Variants in DISP1 observed in about 807,000 individuals in gnomAD.
DISP1 encodes the protein protein dispatched homolog 1.
Under a neutral mutation model 37.3 loss-of-function variants are expected in DISP1, and 30 were observed. That is an observed-to-expected ratio of 0.80 (90% CI 0.60 to 1.09). DISP1 has a LOEUF of 1.09. Ranked by LOEUF, DISP1 falls within the 50% of genes least tolerant of loss-of-function variation. The pLI is 0.00. For missense variants in DISP1, 1,598 were observed against 1,879.5 expected, an observed-to-expected ratio of 0.85 and a Z score of 2.77; for synonymous variants, 634 against 690.2, an observed-to-expected ratio of 0.92 and a Z score of 1.28.
At chr1:222,952,952 C>T (rs764844369) in intron 3 of DISP1, among the ~76,000 whole-genome samples, 4 of 152,102 alleles carry the variant, frequency 2.6e-5, no homozygotes, top group Non-Finnish European at 5.9e-5. Context: ...TTCTAGAGGC[C>T]GCAATTACAT....
At chr1:222,955,474 C>T (rs368892357) in intron 3 of DISP1, among the ~76,000 whole-genome samples, 8 of 152,290 alleles carry the variant, frequency 5.3e-5, no homozygotes, top group Non-Finnish European at 7.4e-5. Flanking sequence ...AATATGCATT[C>T]GGTAGAAATT....
At position 223,003,458 on chromosome 1, in the gene DISP1, T is replaced by C. The variant is rs1376533104; in HGVS notation, c.2061T>C (p.Ala687=). The change falls in exon 9 of 9, where the codon GCT becomes GCC. Residue 687 remains alanine, a synonymous_variant. Transcript: ENST00000675850. The surrounding 1 kb of genome is among the most constrained non-coding windows in gnomAD (Gnocchi z 4.3). ...IYDNKSCWTV[A]CQKCHKVLFA... ...ATAACAAAAGCTGCTGGACAGTGGCTTGCCAGAAGTGCCACAAAGTACTCT... is the reference window on the plus strand; with the variant it reads ...ATAACAAAAGCTGCTGGACAGTGGCCTGCCAGAAGTGCCACAAAGTACTCT... The C allele has an allele frequency of 1.9e-6, 3 of 1,614,078 alleles. No individual in the cohort carries two copies. Among genetic ancestry groups the C allele is most frequent in the Non-Finnish European group, 2.5e-6 (3 of 1,180,042 alleles).
rs532481496 is a variant in DISP1 at position 222,854,403 on chromosome 1, C to T, written c.-159+39325C>T. On this transcript the variant is annotated intron_variant, in intron 1 of 8. Coordinates refer to ENST00000675850, the MANE Select transcript of DISP1 (RefSeq NM_001377229.1). The stretch of plus-strand genomic sequence containing the variant: ...GTGCAAGCAGGGGAAATGCCACATG[C>T]TTATAAAACCATCAGATCTTGTGAG... Among the ~76,000 whole-genome samples, 4 of 152,242 alleles carry T rather than the reference C, an allele frequency of 2.6e-5. No homozygotes were observed. In the East Asian group the frequency reaches 7.7e-4, roughly 29 times the overall value.
rs150311676 is a variant in DISP1, at chr1:223,003,318, A to G, written c.1921A>G (p.Ile641Val). The G allele has an allele frequency of 1.8e-5, 29 of 1,614,174 alleles. No homozygotes were observed. The East Asian group carries it at 3.6e-4, about 20-fold the overall frequency. Reference protein sequence around the residue: ...RCFGVYAGTAILVNYVLMVTW... With the variant: ...RCFGVYAGTAVLVNYVLMVTW... ...CTTTGGGGTTTATGCGGGGACAGCT[A>G]TATTGGTGAATTACGTTTTGATGGT... The change falls in exon 9 of 9, where the codon ATA (isoleucine) becomes GTA (valine). Residue 641 changes from isoleucine (I) to valine (V), a missense_variant. By Grantham distance (29) the Ile-to-Val change is conservative (BLOSUM62 3). Transcript: ENST00000675850. This position sits in a 1 kb window ranked among gnomAD's most constrained non-coding sequence, Gnocchi z 4.3.
chr1:223,002,888 G>T lies in DISP1; in HGVS notation c.1491G>T (p.Gln497His). ...TTGGTATCAAACACAGTTTGTTTCA[G>T]GATTATCTTCTAATGGATACTGTGT... is the stretch of plus-strand genomic sequence containing the variant. The part of the protein sequence containing the change: ...IEFGIKHSLF[Q>H]DYLLMDTVYP... The change falls in exon 9 of 9, where the codon CAG (glutamine) becomes CAT (histidine). Residue 497 changes from glutamine to histidine, a missense_variant. Transcript: ENST00000675850. 1 of 1,613,858 alleles carries T rather than the reference G, an allele frequency of 6.2e-7. No homozygotes were observed. Among genetic ancestry groups the T allele is most frequent in the Non-Finnish European group, 8.5e-7 (1 of 1,180,022 alleles).
intron 3 of DISP1, among the ~76,000 whole-genome samples, chr1:222,973,912 C>T (rs1644909185): frequency 6.6e-6 from 1 of 152,124 alleles, no homozygotes; most frequent in Non-Finnish European, 1.5e-5. Flanking sequence ...ATCTTGGACC[C>T]TTTTCTCCTT....
intron 2 of DISP1, among the ~76,000 whole-genome samples, chr1:222,932,140 T>G (rs1406472524): frequency 4.6e-5 from 7 of 151,924 alleles, no homozygotes; most frequent in Non-Finnish European, 8.8e-5. Flanking sequence ...ATATTTTGAG[T>G]GGCAGTTGCT....
chr1:223,004,767 A>G lies in DISP1; in HGVS notation c.3370A>G (p.Thr1124Ala). 1 of 1,613,448 alleles carries G rather than the reference A, an allele frequency of 6.2e-7. No homozygotes were observed. The highest frequency in any genetic ancestry group is 8.5e-7 in the Non-Finnish European group (1 of 1,180,030). The change falls in exon 9 of 9, where the codon ACC (threonine) becomes GCC (alanine). Residue 1124 changes from threonine (T) to alanine (A), a missense_variant. Thr to Ala is a moderately conservative substitution (Grantham distance 58). Transcript: ENST00000675850. The surrounding 1 kb of genome is among the most constrained non-coding windows in gnomAD (Gnocchi z 4.9). The stretch of plus-strand genomic sequence containing the variant: ...CATGTGTATCAGTTGGGCTTTCGCC[A>G]CCTTCTTTTTCCAGTGCATGTGCCG... ...LIMCISWAFA[T>A]FFFQCMCRCL... is the part of the protein sequence containing the mutation.
rs181521092 is a variant in DISP1 at position 223,005,432 on chromosome 1, C to T, written c.4035C>T (p.Ala1345=). 10 of 1,613,538 alleles carry T rather than the reference C, an allele frequency of 6.2e-6. No individual in the cohort carries two copies. The highest frequency in any genetic ancestry group is 2.2e-5 in the East Asian group (1 of 44,866). ...CPCLQGRVKP[A]GMQNSLPRNF... Reference sequence around the variant, plus strand: ...GCCTGCAGGGCAGAGTAAAGCCAGCCGGAATGCAGAATTCTCTGCCTAGGA... The same window carrying T: ...GCCTGCAGGGCAGAGTAAAGCCAGCTGGAATGCAGAATTCTCTGCCTAGGA... The change falls in exon 9 of 9, where the codon GCC becomes GCT. Residue 1345 remains alanine, a synonymous_variant. Transcript: ENST00000675850.
chr1:222,881,112 A>G (rs1260026475), intron 1 of DISP1, among the ~76,000 whole-genome samples: 1 of 152,166 alleles, frequency 6.6e-6, no homozygotes, highest in Non-Finnish European at 1.5e-5. Context: ...ATATAGGAAA[A>G]TTAATTTTTA....
chr1:222,992,878 T>TTTTTTTTTA (rs1678803004), intron 7 of DISP1, among the ~76,000 whole-genome samples: 1 of 149,576 alleles, frequency 6.7e-6, no homozygotes, highest in South Asian at 2.2e-4. Flanking sequence ...TTTTTTTTTT[T>TTTTTTTTTA]GAGACAGAGT....
intron 3 of DISP1, among the ~76,000 whole-genome samples, chr1:222,944,444 T>A (rs1674613124): frequency 1.6e-5 from 1 of 63,916 alleles, no homozygotes; most frequent in Admixed American, 1.9e-4. Flanking sequence ...CATTTTTAAG[T>A]AATAAAAAGT....
chr1:222,877,037 C>T (rs1220614081), intron 1 of DISP1, among the ~76,000 whole-genome samples: 6 of 152,058 alleles, frequency 3.9e-5, no homozygotes, highest in Non-Finnish European at 7.4e-5. Flanking sequence ...AGAACCAGGC[C>T]TCTGGAGTCA....
intron 1 of DISP1, among the ~76,000 whole-genome samples, chr1:222,860,633 T>C (rs1668826631): frequency 1.3e-5 from 2 of 151,856 alleles, no homozygotes; most frequent in South Asian, 4.2e-4. Flanking sequence ...ACGCCTGTAA[T>C]CCCAGCACTT....
chr1:222,836,110 C>CA (rs1553315064), intron 1 of DISP1, among the ~76,000 whole-genome samples: 2 of 152,084 alleles, frequency 1.3e-5, no homozygotes, highest in Non-Finnish European at 2.9e-5. Flanking sequence ...TCTGAGGGCA[C>CA]ACTTGGTACT....
chr1:222,993,123 C>T (rs906653752), intron 7 of DISP1, among the ~76,000 whole-genome samples: 7 of 152,076 alleles, frequency 4.6e-5, no homozygotes, highest in African/African-American at 1.7e-4. Context: ...GCCTTGACTT[C>T]CCAAAGTGCT....
intron 2 of DISP1, among the ~76,000 whole-genome samples, chr1:222,929,521 T>A (rs1673267119): frequency 6.6e-6 from 1 of 152,260 alleles, no homozygotes; most frequent in South Asian, 2.1e-4. Context: ...GTATTCTTGT[T>A]GAACGAAGAA....
intron 8 of DISP1, among the ~76,000 whole-genome samples, chr1:223,001,827 G>T (rs866886023): frequency 6.6e-6 from 1 of 152,196 alleles, no homozygotes; most frequent in East Asian, 1.9e-4. Flanking sequence ...TTTGGGAGGA[G>T]CACAAACATT....
At chr1:222,973,170 A>C (rs1677078327) in intron 3 of DISP1, among the ~76,000 whole-genome samples, 1 of 152,250 alleles carries the variant, frequency 6.6e-6, no homozygotes, top group African/African-American at 2.4e-5. Flanking sequence ...AAATGTTTCT[A>C]TCACATGTAC....
Sources: gnomAD v4.1 joint callset for allele counts (sites outside exome capture counted in the v4.1 genomes callset) on GRCh38, gnomAD v4.1.1 for gene constraint, Gnocchi (gnomAD v3.1) non-coding constraint, MANE v1.5 for transcripts, NCBI Gene and HGNC (gene_info 2026-07-23, HGNC 2026-07-21) for gene names.